Variants in RNF152 observed in about 807,000 individuals in gnomAD.
The protein encoded by RNF152 is E3 ubiquitin-protein ligase RNF152.
Under a neutral mutation model 12.7 loss-of-function variants are expected in RNF152, and 11 were observed. That is an observed-to-expected ratio of 0.86 (90% CI 0.54 to 1.43). The LOEUF is 1.43. Ranked by LOEUF, RNF152 falls within the 40% of genes most tolerant of loss-of-function variation. The probability of loss-of-function intolerance (pLI) is 0.00; values close to 1 mark genes in which losing one functional copy is unlikely to be tolerated. For missense variants in RNF152, 255 were observed against 274.8 expected, an observed-to-expected ratio of 0.93 and a Z score of 0.51; for synonymous variants, 113 against 120.3, an observed-to-expected ratio of 0.94 and a Z score of 0.40.
intron 1 of RNF152, among the ~76,000 whole-genome samples, chr18:61,890,981 T>C (rs1181380684): frequency 6.6e-6 from 1 of 152,218 alleles, no homozygotes; most frequent in African/African-American, 2.4e-5. Flanking sequence ...AGTCCAATCC[T>C]ACCTCTCTTG....
chr18:61,816,267 A>G lies in RNF152; in HGVS notation c.197T>C (p.Val66Ala). 6.2e-7 allele frequency: 1 copy of G among 1,614,222 alleles called. No homozygotes were observed. The highest frequency in any genetic ancestry group is 8.5e-7 in the Non-Finnish European group (1 of 1,180,040). ...CTCCGGGTCGTCCGGGAGCTGCGAC[A>G]CGGAGAAGCCGGGAGGCAGCTTGGT... ...GVTKLPPGFS[V>A]SQLPDDPEVL... Residue 66 changes from valine (V) to alanine (A), a missense_variant, in exon 2 of 2, where the codon GTG becomes GCG. Val to Ala is a moderately conservative substitution (Grantham distance 64). Transcript: ENST00000312828.
intron 1 of RNF152, chr18:61,888,931 G>C (rs1471624217): frequency 6.6e-6 from 1 of 152,220 alleles, no homozygotes; most frequent in African/African-American, 2.4e-5. Context: ...TAAAGTGGTA[G>C]GGACCCAGAG....
At chr18:61,858,777 G>A (rs1410708561) in intron 1 of RNF152, among the ~76,000 whole-genome samples, 1 of 152,126 alleles carries the variant, frequency 6.6e-6, no homozygotes, top group Non-Finnish European at 1.5e-5. Flanking sequence ...CCAGCAGTTT[G>A]CATTCAGCAA....
At chr18:61,847,135 A>G (rs1185394172) in intron 1 of RNF152, among the ~76,000 whole-genome samples, 1 of 151,964 alleles carries the variant, frequency 6.6e-6, no homozygotes, top group Non-Finnish European at 1.5e-5. Flanking sequence ...CAACTGTGAC[A>G]TTGCCACCAA....
chr18:61,863,795 A>G (rs572038336), intron 1 of RNF152, among the ~76,000 whole-genome samples: 30 of 152,294 alleles, frequency 2.0e-4, no homozygotes, highest in Non-Finnish European at 3.4e-4. Flanking sequence ...CTCTTCCCCA[A>G]AGCAACACCT....
At chr18:61,836,872 C>T (rs1910211941) in intron 1 of RNF152, among the ~76,000 whole-genome samples, 1 of 152,136 alleles carries the variant, frequency 6.6e-6, no homozygotes, top group African/African-American at 2.4e-5. Context: ...AATGTAATGA[C>T]CAATTTAGGC....
intron 1 of RNF152, among the ~76,000 whole-genome samples, chr18:61,863,496 G>A (rs1350922212): frequency 6.7e-6 from 1 of 150,316 alleles, no homozygotes; most frequent in African/African-American, 2.5e-5. Context: ...TAACATCACT[G>A]TAGACACAAT....
chr18:61,886,105 AC>A (rs1263094562), intron 1 of RNF152, among the ~76,000 whole-genome samples: 2 of 148,450 alleles, frequency 1.3e-5, no homozygotes, highest in Admixed American at 1.4e-4. Context: ...GAGAACATTC[AC>A]CTCCCAAACA....
At chr18:61,881,711 C>A (rs1375165431) in intron 1 of RNF152, among the ~76,000 whole-genome samples, 1 of 152,106 alleles carries the variant, frequency 6.6e-6, no homozygotes, top group Non-Finnish European at 1.5e-5. Flanking sequence ...TTTCAATCTT[C>A]ATTGCAAACT....
intron 1 of RNF152, among the ~76,000 whole-genome samples, chr18:61,821,915 C>T (rs1009429903): frequency 2.6e-5 from 4 of 152,162 alleles, no homozygotes; most frequent in Admixed American, 6.5e-5. Context: ...CCTACCCATC[C>T]GTCCTGTGGA....
chr18:61,833,360 A>G (rs1210255781), intron 1 of RNF152, among the ~76,000 whole-genome samples: 1 of 152,244 alleles, frequency 6.6e-6, no homozygotes, highest in Non-Finnish European at 1.5e-5. Context: ...AATTTAACCT[A>G]CATTAGAAAG....
chr18:61,821,148 T>G (rs1909386547), intron 1 of RNF152, among the ~76,000 whole-genome samples: 1 of 152,250 alleles, frequency 6.6e-6, no homozygotes. Flanking sequence ...GTGTTCTTCC[T>G]GGCCCTGCCC....
intron 1 of RNF152, among the ~76,000 whole-genome samples, chr18:61,857,410 G>A (rs7231456): frequency 0.11 from 17,018 of 152,106 alleles, 1,511 homozygotes; most frequent in East Asian, 0.43. Flanking sequence ...ATTTTGCCTT[G>A]GAACTGCTTT....
rs1298254332 is a variant in RNF152, at chr18:61,815,767, G to GC, written c.*84dup. 3 of 1,470,164 alleles carry GC rather than the reference G, an allele frequency of 2.0e-6. No individual in the cohort carries two copies. Among genetic ancestry groups the GC allele is most frequent in the Non-Finnish European group, 2.8e-6 (3 of 1,068,208 alleles). The allele number at this position is 1,470,164 out of a possible 1,614,324, so 91.1% of individuals were successfully genotyped here. The stretch of plus-strand genomic sequence containing the variant: ...CGCTCAGCACCAAATGGTCAGTGTT[G>GC]CCCCCCATCTTCTCACTGGGATCTC... On this transcript the variant is annotated 3_prime_UTR_variant, in exon 2 of 2. Transcript: ENST00000312828.
intron 1 of RNF152, among the ~76,000 whole-genome samples, chr18:61,836,303 T>C (rs906921759): frequency 6.6e-6 from 1 of 151,874 alleles, no homozygotes; most frequent in African/African-American, 2.4e-5. Context: ...TTGGAAACAT[T>C]TGAATATTGA....
upstream of RNF152, chr18:61,893,025 C>G (rs536113882): frequency 6.6e-6 from 1 of 152,632 alleles, no homozygotes. Context: ...GGAGGTGGAG[C>G]AAGGCAGATG....
At chr18:61,818,682 TA>T (rs1270760050) in intron 1 of RNF152, among the ~76,000 whole-genome samples, 21 of 152,218 alleles carry the variant, frequency 1.4e-4, no homozygotes, top group African/African-American at 5.1e-4. Flanking sequence ...AGCACAAAGC[TA>T]AATACTGTAG....
rs538697654 is a variant in RNF152, at chr18:61,808,670, T to C, written c.*7182A>G. 1.7e-4 allele frequency: 26 copies of C among 152,000 alleles called. No individual in the cohort carries two copies. The highest frequency in any genetic ancestry group is 2.5e-4 in the Non-Finnish European group (17 of 67,956). The allele number at this position is 152,000 out of a possible 1,614,324, so 9.4% of individuals were successfully genotyped here. A position where few individuals can be genotyped will look rare whatever the true frequency, so the allele number is the denominator to read the frequency against. On this transcript the variant is annotated 3_prime_UTR_variant, in exon 2 of 2. Transcript: ENST00000312828. Reference sequence around the variant, plus strand: ...GTTGAGTGAGGCAAACACAAACAAGTGGTGAAATGAAAAAATATATGACGG... The same window carrying C: ...GTTGAGTGAGGCAAACACAAACAAGCGGTGAAATGAAAAAATATATGACGG...
At chr18:61,876,555 C>T (rs1240865158) in intron 1 of RNF152, among the ~76,000 whole-genome samples, 2 of 152,204 alleles carry the variant, frequency 1.3e-5, no homozygotes, top group African/African-American at 4.8e-5. Flanking sequence ...GAAAGCACAT[C>T]TCCTTAACAG....
Sources: allele counts gnomAD v4.1 joint callset (sites outside exome capture counted in the v4.1 genomes callset), GRCh38; gene constraint gnomAD v4.1.1; transcripts MANE v1.5; gene names NCBI Gene and HGNC (gene_info 2026-07-23, HGNC 2026-07-21).